The following HPS5 variants were observed in gnomAD, a reference collection of about 807,000 sequenced individuals.
HPS5 encodes BLOC-2 complex member HPS5.
Under a neutral mutation model 128.0 loss-of-function variants are expected in HPS5, and 83 were observed. The ratio of observed to expected loss-of-function variants is 0.65; its 90% confidence interval spans 0.54 to 0.78. The LOEUF (loss-of-function observed/expected upper bound fraction) is 0.78. Ranked by LOEUF, HPS5 falls within the 30% of genes least tolerant of loss-of-function variation. The pLI is 0.00. For synonymous variants in HPS5, 475 were observed against 470.2 expected (o/e 1.01, Z -0.13); for missense variants, 1,281 against 1,326.2 (o/e 0.97, Z 0.53).
At chr11:18,304,037 T>C (rs778438918) in intron 8 of HPS5, among the ~76,000 whole-genome samples, 29 of 152,122 alleles carry the variant, frequency 1.9e-4, no homozygotes, top group Non-Finnish European at 3.4e-4. Context: ...AAGACATGTA[T>C]AAATATTATA....
rs1859008265 is a variant in HPS5, at chr11:18,281,852, T to C, written c.3329+98A>G. On this transcript the variant is annotated intron_variant, in intron 22 of 22. Transcript: ENST00000349215. ...AGTCTCAGTCTCCTCATGTTAGTGATGGGTCGGGACTAAATGATCTCCACA... is the reference window on the plus strand; with the variant it reads ...AGTCTCAGTCTCCTCATGTTAGTGACGGGTCGGGACTAAATGATCTCCACA... The C allele has an allele frequency of 3.7e-6, 5 of 1,348,434 alleles. No homozygotes were observed. In the South Asian group the frequency reaches 4.7e-5, roughly 13 times the overall value. 83.5% of individuals were successfully genotyped at this position (1,348,434 alleles called of 1,614,324 possible).
In HPS5 at chr11:18,291,845, T is replaced by G. The variant is rs139387371; in HGVS notation, c.2037A>C (p.Ser679=). ...TATCTTCATCTAATATTCCCTTTTT[T>G]GATTCATTAACTAATAGCACATCCT... ...LNQDVLLVNE[S]KKGILDEDNE... is the part of the protein sequence containing the mutation. Residue 679 remains serine (S), a synonymous_variant, in exon 16 of 23, where the codon TCA becomes TCC. Transcript: ENST00000349215. The G allele has an allele frequency of 1.3e-4, 205 of 1,611,320 alleles. 2 individuals carry two copies. The African/African-American group carries it at 1.7e-3, about 14-fold the overall frequency.
At position 18,291,609 on chromosome 11, in the gene HPS5, C is replaced by A; in HGVS notation, c.2273G>T (p.Ser758Ile). Reference protein sequence around the residue: ...NVLNSKIKSTSGHVDHTLQQY... With the variant: ...NVLNSKIKSTIGHVDHTLQQY... ...TTGCAAAGTGTGGTCCACATGTCCACTGGTGCTTTTGATCTTAGAATTCAA... is the reference window on the plus strand; with the variant it reads ...TTGCAAAGTGTGGTCCACATGTCCAATGGTGCTTTTGATCTTAGAATTCAA... The change falls in exon 16 of 23, where the codon AGT becomes ATT. Residue 758 changes from serine (S) to isoleucine (I), a missense_variant. Transcript: ENST00000349215. The A allele has an allele frequency of 6.2e-7, 1 of 1,614,168 alleles. No individual in the cohort carries two copies.
intron 5 of HPS5, 144 bp downstream of exon 5, chr11:18,310,597 A>T: frequency 1.5e-6 from 1 of 680,738 alleles, no homozygotes; most frequent in Non-Finnish European, 2.5e-6. Flanking sequence ...ATATAAAAAC[A>T]GGTCTCCTCA....
At chr11:18,318,887 G>A (rs1178682850) in intron 1 of HPS5, among the ~76,000 whole-genome samples, 1 of 152,044 alleles carries the variant, frequency 6.6e-6, no homozygotes, top group Non-Finnish European at 1.5e-5. Context: ...CATTATTCTA[G>A]GTCCTGGAGA....
chr11:18,282,289 A>C, intron 21 of HPS5, 69 bp from the exon 22 acceptor site: 3 of 1,557,136 alleles, frequency 1.9e-6, no homozygotes, highest in Non-Finnish European at 2.7e-6. Context: ...GAGATGGTCA[A>C]AACTGTGAAA....
chr11:18,303,579 C>T (rs995752462), intron 8 of HPS5, among the ~76,000 whole-genome samples: 1 of 152,032 alleles, frequency 6.6e-6, no homozygotes, highest in African/African-American at 2.4e-5. Context: ...TATTGTGGCC[C>T]GACTACTAGA....
Position 18,295,179 on chromosome 11 carries a change from A to C in HPS5, c.1635-10T>G, listed in dbSNP as rs1467696171. ...CACAAAGCTAGAAACACTAGAAGTCAAATAACAAAAAACTAACATGAATAA... is the reference window on the plus strand; with the variant it reads ...CACAAAGCTAGAAACACTAGAAGTCCAATAACAAAAAACTAACATGAATAA... On this transcript the variant is annotated splice_polypyrimidine_tract_variant and intron_variant, in intron 13 of 22. Coordinates refer to ENST00000349215, the MANE Select transcript of HPS5 (RefSeq NM_181507.2). The C allele has an allele frequency of 1.2e-6, 2 of 1,612,748 alleles. No individual in the cohort carries two copies. The highest frequency in any genetic ancestry group is 2.7e-5 in the African/African-American group (2 of 75,028).
At chr11:18,305,401 C>T (rs1590115858) in intron 8 of HPS5, 21 bp downstream of exon 8, 3 of 1,512,442 alleles carry the variant, frequency 2.0e-6, no homozygotes, top group Middle Eastern at 1.7e-4. Flanking sequence ...CCCCCCAGAA[C>T]TAAGGAAAGT....
At position 18,309,076 on chromosome 11, in the gene HPS5, C is replaced by T. The variant is rs773501167; in HGVS notation, c.481G>A (p.Ala161Thr). The T allele has an allele frequency of 6.2e-7, 1 of 1,613,860 alleles. No homozygotes were observed. The highest frequency in any genetic ancestry group is 1.7e-5 in the Admixed American group (1 of 60,018). Reference sequence around the variant, plus strand: ...ACAGGAAACATCACAAAAGCAGCAGCTGCCTAAAAGGAATGTGAGAAAGAA... The same window carrying T: ...ACAGGAAACATCACAAAAGCAGCAGTTGCCTAAAAGGAATGTGAGAAAGAA... ...KLNTSKQAKA[A>T]AAFVMFPVQT... The change falls in exon 6 of 23, where the codon GCT (alanine) becomes ACT (threonine). Residue 161 changes from alanine to threonine, a missense_variant. Physicochemically the swap from Ala to Thr is moderately conservative, Grantham distance 58 (BLOSUM62 0). Transcript: ENST00000349215.
Position 18,295,739 on chromosome 11 carries a change from T to C in HPS5, c.1634+260A>G, listed in dbSNP as rs189462633. On this transcript the variant is annotated intron_variant, in intron 13 of 22. Transcript: ENST00000349215. ...AAAGACTAATGATACGTGGAAACTA[T>C]TACCATCAGAGATTTTTAATTTTTG... 2.6e-5 allele frequency among the ~76,000 whole-genome samples: 4 copies of C among 152,312 alleles called. No homozygotes were observed. The East Asian group carries it at 7.7e-4, about 29-fold the overall frequency.
chr11:18,300,655 C>T (rs1298668428), intron 9 of HPS5, among the ~76,000 whole-genome samples, 173 bp downstream of exon 9: 1 of 147,568 alleles, frequency 6.8e-6, no homozygotes, highest in Non-Finnish European at 1.5e-5. Context: ...CAAGATCGCA[C>T]CAGTGCACTC....
At position 18,286,586 on chromosome 11, in the gene HPS5, T is replaced by G. The variant is rs756628694; in HGVS notation, c.2837+5A>C. 6.2e-7 allele frequency: 1 copy of G among 1,613,654 alleles called. No homozygotes were observed. The highest frequency in any genetic ancestry group is 1.1e-5 in the South Asian group (1 of 91,040). On this transcript the variant is annotated splice_donor_5th_base_variant and intron_variant, in intron 19 of 22. Coordinates refer to ENST00000349215, the MANE Select transcript of HPS5 (RefSeq NM_181507.2). ...AAAAACAAAGAAAGAGGACTTCTTC[T>G]GTACCTGGGATAACCTTCATCATCC...
chr11:18,295,241 C>T, intron 13 of HPS5, 72 bp from the exon 14 acceptor site: 1 of 1,484,120 alleles, frequency 6.7e-7, no homozygotes, highest in Non-Finnish European at 9.2e-7. Context: ...TTTCATTCTT[C>T]AGTTTTCTCC....
intron 10 of HPS5, 133 bp downstream of exon 10, chr11:18,298,659 T>C: frequency 6.0e-6 from 5 of 837,530 alleles, no homozygotes; most frequent in Non-Finnish European, 1.0e-5. Flanking sequence ...ATGCTTTCTC[T>C]GGGCATGTAT....
chr11:18,288,062 A>C (rs1859963107), intron 16 of HPS5, 49 bp from the exon 17 acceptor site: 2 of 1,603,168 alleles, frequency 1.2e-6, no homozygotes, highest in Non-Finnish European at 1.7e-6. Context: ...TTAGGCGGAA[A>C]TATTCAATTT....
At chr11:18,297,445 C>T in intron 11 of HPS5, 114 bp downstream of exon 11, 1 of 985,546 alleles carries the variant, frequency 1.0e-6, no homozygotes, top group Non-Finnish European at 1.6e-6. Flanking sequence ...CCCCTTCCCA[C>T]CAAAAAACAT....
chr11:18,300,952 T>C (rs1861631795), intron 8 of HPS5, 36 bp from the exon 9 acceptor site: 1 of 1,249,378 alleles, frequency 8.0e-7, no homozygotes, highest in South Asian at 1.2e-5. Context: ...TCAAGTGTGC[T>C]AGGATACAAA....
chr11:18,279,856 A>T lies in HPS5; in HGVS notation c.*26T>A. Reference sequence around the variant, plus strand: ...ATGATTTAGTTTTTCTCAAAATGTCATGACATCCTGCTGAATCTTCTCCCA... The same window carrying T: ...ATGATTTAGTTTTTCTCAAAATGTCTTGACATCCTGCTGAATCTTCTCCCA... On this transcript the variant is annotated 3_prime_UTR_variant, in exon 23 of 23. Transcript: ENST00000349215. 1.2e-6 allele frequency: 2 copies of T among 1,607,706 alleles called. No individual in the cohort carries two copies. Among genetic ancestry groups the T allele is most frequent in the Non-Finnish European group, 1.7e-6 (2 of 1,174,104 alleles).
Sources: gnomAD v4.1 joint callset for allele counts (sites outside exome capture counted in the v4.1 genomes callset) on GRCh38, gnomAD v4.1.1 for gene constraint, MANE v1.5 for transcripts, NCBI Gene and HGNC (gene_info 2026-07-23, HGNC 2026-07-21) for gene names.